ADHFE1: variants seen among roughly 807,000 people sequenced by gnomAD.
The protein encoded by ADHFE1 is alcohol dehydrogenase iron containing 1, also known as hydroxyacid-oxoacid transhydrogenase, mitochondrial.
A neutral mutation model predicts 54.8 loss-of-function variants in ADHFE1; 37 were observed. That is an observed-to-expected ratio of 0.68 (90% confidence interval 0.52 to 0.89). ADHFE1 has a LOEUF of 0.89. Ranked by LOEUF, ADHFE1 falls within the 40% of genes least tolerant of loss-of-function variation. The pLI is 0.00. For synonymous variants in ADHFE1, 203 were observed against 229.3 expected (o/e 0.89, Z 1.04); for missense variants, 601 against 591.2 (o/e 1.02, Z -0.17).
At chr8:66,465,912 A>G (rs1247229710) in intron 13 of ADHFE1, among the ~76,000 whole-genome samples, 5 of 152,020 alleles carry the variant, frequency 3.3e-5, no homozygotes, top group Non-Finnish European at 7.4e-5. Context: ...TAATTTTTAT[A>G]TCCTGAATAT....
At chr8:66,459,768 A>G (rs973570182) in intron 12 of ADHFE1, among the ~76,000 whole-genome samples, 4 of 152,240 alleles carry the variant, frequency 2.6e-5, no homozygotes, top group Non-Finnish European at 5.9e-5. Flanking sequence ...ATAGAGGACA[A>G]AAATTTTCCT....
intron 13 of ADHFE1, among the ~76,000 whole-genome samples, chr8:66,461,275 G>A (rs1806885047): frequency 6.6e-6 from 1 of 152,200 alleles, no homozygotes; most frequent in African/African-American, 2.4e-5. Flanking sequence ...ATATGGGAAA[G>A]GCAGAGGTCA....
At chr8:66,437,840 C>T (rs926009276) in intron 1 of ADHFE1, among the ~76,000 whole-genome samples, 1 of 152,140 alleles carries the variant, frequency 6.6e-6, no homozygotes, top group African/African-American at 2.4e-5. Flanking sequence ...AAGGGTGTCT[C>T]TCTGCAGCCT....
At chr8:66,460,219 G>A in intron 12 of ADHFE1, 89 bp from the exon 13 acceptor site, 2 of 1,513,710 alleles carry the variant, frequency 1.3e-6, no homozygotes, top group Non-Finnish European at 9.1e-7. Context: ...CCGTGGGTGT[G>A]CATGGTGTAT....
At chr8:66,453,775 C>G (rs775027133) in intron 9 of ADHFE1, 2 of 1,408,774 alleles carry the variant, frequency 1.4e-6, no homozygotes, top group East Asian at 7.7e-5. Flanking sequence ...TGGAGTGGCC[C>G]TCGCCATCCA....
At chr8:66,442,882 C>A in intron 3 of ADHFE1, 38 bp downstream of exon 3, 4 of 1,467,156 alleles carry the variant, frequency 2.7e-6, no homozygotes, top group African/African-American at 2.9e-5. Flanking sequence ...TTATGAATGA[C>A]TAGAAAAAAA....
intron 8 of ADHFE1, among the ~76,000 whole-genome samples, chr8:66,449,950 C>T (rs1370865111): frequency 1.3e-5 from 2 of 152,132 alleles, no homozygotes; most frequent in Non-Finnish European, 2.9e-5. Context: ...GACACCTCAT[C>T]TCCACAAAAA....
At position 66,445,376 on chromosome 8, in the gene ADHFE1, G is replaced by A; in HGVS notation, c.512G>A (p.Gly171Glu). 1 of 1,613,730 alleles carries A rather than the reference G, an allele frequency of 6.2e-7. No homozygotes were observed. Among genetic ancestry groups the A allele is most frequent in the Non-Finnish European group, 8.5e-7 (1 of 1,179,918 alleles). Reference protein sequence around the residue: ...LDYVSAPIGKGKPVSVPLKPL... With the variant: ...LDYVSAPIGKEKPVSVPLKPL... ...TATGTCAGTGCCCCCATTGGCAAGGGAAAGCCTGTGTCTGTGCCTCTTAAG... is the reference window on the plus strand; with the variant it reads ...TATGTCAGTGCCCCCATTGGCAAGGAAAAGCCTGTGTCTGTGCCTCTTAAG... Residue 171 changes from glycine (G) to glutamate (E), a missense_variant, in exon 6 of 14, where the codon GGA becomes GAA. By Grantham distance (98) the Gly-to-Glu change is moderately conservative (BLOSUM62 -2). Transcript: ENST00000396623.
intron 13 of ADHFE1, among the ~76,000 whole-genome samples, chr8:66,466,297 G>A (rs544118451): frequency 5.4e-5 from 8 of 149,298 alleles, no homozygotes; most frequent in Admixed American, 4.0e-4. Flanking sequence ...TGTTGGCCAG[G>A]CTGGTCTCGA....
Position 66,439,549 on chromosome 8 carries a change from G to T in ADHFE1, c.60-613G>T, listed in dbSNP as rs1805637786. The T allele has an allele frequency of 2.0e-6, 2 of 985,630 alleles. No homozygotes were observed. Among genetic ancestry groups the T allele is most frequent in the Non-Finnish European group, 1.2e-6 (1 of 830,168 alleles). 61.1% of individuals were successfully genotyped at this position (985,630 alleles called of 1,614,324 possible). A position where few individuals can be genotyped will look rare whatever the true frequency, so the allele number is the denominator to read the frequency against. ...ACCTCGGAGCGCACCGGGTGTGCGC[G>T]CAGCTGGGGCCTCTGGGGAGCGGCG... On this transcript the variant is annotated intron_variant, in intron 1 of 13. Coordinates refer to ENST00000396623, the MANE Select transcript of ADHFE1 (RefSeq NM_144650.3). The surrounding 1 kb of genome is among the most constrained non-coding windows in gnomAD (Gnocchi z 4.4).
intron 13 of ADHFE1, among the ~76,000 whole-genome samples, chr8:66,465,123 A>G (rs931010984): frequency 2.6e-5 from 4 of 152,206 alleles, no homozygotes; most frequent in African/African-American, 9.6e-5. Flanking sequence ...ACCTATTGAT[A>G]GACACTTGGG....
chr8:66,440,049 A>G (rs1027964455), intron 1 of ADHFE1, 113 bp from the exon 2 acceptor site: 2 of 1,037,006 alleles, frequency 1.9e-6, no homozygotes, highest in Non-Finnish European at 2.9e-6. Flanking sequence ...AAGAACTACC[A>G]ATTTGATAGC....
intron 10 of ADHFE1, among the ~76,000 whole-genome samples, chr8:66,454,769 G>A (rs540039339): frequency 3.6e-4 from 54 of 150,952 alleles, no homozygotes; most frequent in African/African-American, 9.0e-4. Context: ...ACTGGAGTGC[G>A]ATGGCGCAGT....
intron 3 of ADHFE1, among the ~76,000 whole-genome samples, chr8:66,443,877 G>A (rs1805894388): frequency 6.6e-6 from 1 of 151,824 alleles, no homozygotes; most frequent in Non-Finnish European, 1.5e-5. Flanking sequence ...TATATTTCAG[G>A]CGAAACATGA....
In ADHFE1 at chr8:66,439,782, T is replaced by C; in HGVS notation, c.60-380T>C. 1 of 1,055,066 alleles carries C rather than the reference T, an allele frequency of 9.5e-7. No individual in the cohort carries two copies. Among genetic ancestry groups the C allele is most frequent in the Non-Finnish European group, 1.1e-6 (1 of 874,374 alleles). The allele number at this position is 1,055,066 out of a possible 1,614,324, so 65.4% of individuals were successfully genotyped here. A position where few individuals can be genotyped will look rare whatever the true frequency, so the allele number is the denominator to read the frequency against. ...GTAAGTAAGAAGAGGCACACAGAGT[T>C]AACCTTGGGCCGATTTGGTCAACGC... On this transcript the variant is annotated intron_variant, in intron 1 of 13. Coordinates refer to ENST00000396623, the MANE Select transcript of ADHFE1 (RefSeq NM_144650.3). This position sits in a 1 kb window ranked among gnomAD's most constrained non-coding sequence, Gnocchi z 4.4.
Position 66,447,357 on chromosome 8 carries a change from T to A in ADHFE1, c.628+16T>A, listed in dbSNP as rs1277207283. ...GTAAAAATTGGTAAGAACCATACTTTTGAATTATCTCCCTTACCTTTCAAC... is the reference window on the plus strand; with the variant it reads ...GTAAAAATTGGTAAGAACCATACTTATGAATTATCTCCCTTACCTTTCAAC... On this transcript the variant is annotated intron_variant, in intron 7 of 13. Coordinates refer to ENST00000396623, the MANE Select transcript of ADHFE1 (RefSeq NM_144650.3). The A allele has an allele frequency of 1.1e-5, 17 of 1,575,824 alleles. No homozygotes were observed. Among genetic ancestry groups the A allele is most frequent in the Non-Finnish European group, 1.5e-5 (17 of 1,146,414 alleles).
At position 66,468,264 on chromosome 8, in the gene ADHFE1, T is replaced by C; in HGVS notation, c.1321-5T>C. The C allele has an allele frequency of 6.2e-7, 1 of 1,609,012 alleles. No individual in the cohort carries two copies. The highest frequency in any genetic ancestry group is 1.1e-5 in the South Asian group (1 of 90,170). On this transcript the variant is annotated splice_polypyrimidine_tract_variant and splice_region_variant and intron_variant, in intron 13 of 13. Transcript: ENST00000396623. ...CTGGGTAACTTCTTTCATTTACTGT[T>C]TCAGGAAAGGGTCACCAAGCTTGCA...
chr8:66,461,751 G>A (rs979634769), intron 13 of ADHFE1, among the ~76,000 whole-genome samples: 9 of 151,932 alleles, frequency 5.9e-5, no homozygotes, highest in African/African-American at 1.7e-4. Context: ...TCAGCAATCC[G>A]GATGTTTGTG....
Position 66,444,832 on chromosome 8 carries a change from G to A in ADHFE1, c.353+84G>A, listed in dbSNP as rs1805943553. 4.0e-6 allele frequency: 6 copies of A among 1,518,012 alleles called. No individual in the cohort carries two copies. In the South Asian group the frequency reaches 7.2e-5, roughly 18 times the overall value. 94.0% of individuals were successfully genotyped at this position (1,518,012 alleles called of 1,614,324 possible). A position where few individuals can be genotyped will look rare whatever the true frequency, so the allele number is the denominator to read the frequency against. On this transcript the variant is annotated intron_variant, in intron 5 of 13. Transcript: ENST00000396623. ...AAACTTGCCCCCAACCAGGCGTGGT[G>A]GCTCACGCCTGTAATCCCAGCACTT...
Sources: gnomAD v4.1 joint callset for allele counts (sites outside exome capture counted in the v4.1 genomes callset) on GRCh38, gnomAD v4.1.1 for gene constraint, Gnocchi (gnomAD v3.1) non-coding constraint, MANE v1.5 for transcripts, NCBI Gene and HGNC (gene_info 2026-07-23, HGNC 2026-07-21) for gene names.